Variants in TP53BP2 observed in about 807,000 individuals in gnomAD.
The protein encoded by TP53BP2 is tumor protein p53 binding protein 2.
Under a neutral mutation model 126.2 loss-of-function variants are expected in TP53BP2, and 62 were observed. That is an observed-to-expected ratio of 0.49 (90% confidence interval 0.40 to 0.61). The LOEUF (loss-of-function observed/expected upper bound fraction) is 0.61, where lower values mean the gene tolerates loss of function less well. Ranked by LOEUF, TP53BP2 falls within the 20% of genes least tolerant of loss-of-function variation. The pLI is 0.00. For missense variants in TP53BP2, 1,215 were observed against 1,402.8 expected (o/e 0.87, Z 2.14); for synonymous variants, 485 against 502.9 (o/e 0.96, Z 0.48).
rs946951699 is a variant in TP53BP2, at chr1:223,800,639, T to A, written c.1336+61A>T. ...AGAGAAAATGGACTCTCTAAAAGAATACACAGCACCTTTCAGATGACCAAA... is the reference window on the plus strand; with the variant it reads ...AGAGAAAATGGACTCTCTAAAAGAAAACACAGCACCTTTCAGATGACCAAA... On this transcript the variant is annotated intron_variant, in intron 10 of 17. Coordinates refer to ENST00000343537, the MANE Select transcript of TP53BP2 (RefSeq NM_001031685.3). 3 of 1,209,564 alleles carry A rather than the reference T, an allele frequency of 2.5e-6. No homozygotes were observed. In the Admixed American group the frequency reaches 7.3e-5, roughly 29 times the overall value. The allele number at this position is 1,209,564 out of a possible 1,614,324, so 74.9% of individuals were successfully genotyped here.
intron 1 of TP53BP2, chr1:223,834,765 T>C (rs890909417): frequency 1.1e-6 from 1 of 941,624 alleles, no homozygotes; most frequent in Non-Finnish European, 1.3e-6. Context: ...TTCATCCCCA[T>C]CCTTCCAGAA....
intron 12 of TP53BP2, among the ~76,000 whole-genome samples, chr1:223,797,439 A>G (rs1175166529): frequency 6.6e-6 from 1 of 151,064 alleles, no homozygotes. Context: ...TTTTTTTTAG[A>G]TGGAGTTTCA....
At chr1:223,815,805 A>C (rs538841639) in intron 2 of TP53BP2, among the ~76,000 whole-genome samples, 1 of 152,350 alleles carries the variant, frequency 6.6e-6, no homozygotes, top group African/African-American at 2.4e-5. Flanking sequence ...ATGTTTAGAT[A>C]CACAAATATG....
chr1:223,782,454 G>T (rs1661806273), intron 17 of TP53BP2, among the ~76,000 whole-genome samples: 1 of 152,184 alleles, frequency 6.6e-6, no homozygotes, highest in Admixed American at 6.5e-5. Flanking sequence ...GAGGGTGCTT[G>T]AAAGAGAACA....
At position 223,792,364 on chromosome 1, in the gene TP53BP2, A is replaced by C. The variant is rs1473299787; in HGVS notation, c.2996+25T>G. 2.2e-5 allele frequency: 35 copies of C among 1,583,940 alleles called. No homozygotes were observed. The Admixed American group carries it at 6.1e-4, about 28-fold the overall frequency. On this transcript the variant is annotated intron_variant, in intron 15 of 17. Transcript: ENST00000343537. Reference sequence around the variant, plus strand: ...AACCGATTCCCACAACTGAAGTTTGACTGGAGTTTAAAAGAAAATCTTACC... The same window carrying C: ...AACCGATTCCCACAACTGAAGTTTGCCTGGAGTTTAAAAGAAAATCTTACC...
At chr1:223,841,079 T>C (rs1308562708) in intron 1 of TP53BP2, among the ~76,000 whole-genome samples, 1 of 152,006 alleles carries the variant, frequency 6.6e-6, no homozygotes, top group African/African-American at 2.4e-5. Flanking sequence ...AGGGAAACCC[T>C]GTCTCTACTA....
intron 4 of TP53BP2, 90 bp from the exon 5 acceptor site, chr1:223,807,037 A>G: frequency 1.1e-6 from 1 of 889,490 alleles, no homozygotes; most frequent in Non-Finnish European, 1.8e-6. Flanking sequence ...TAAAAGCTTC[A>G]TATGAACCAA....
chr1:223,808,212 G>C (rs1662786853), intron 4 of TP53BP2, among the ~76,000 whole-genome samples: 1 of 152,172 alleles, frequency 6.6e-6, no homozygotes, highest in Non-Finnish European at 1.5e-5. Flanking sequence ...TATACAATTA[G>C]ATATTCATAT....
At chr1:223,789,860 A>G (rs1662089499) in intron 15 of TP53BP2, among the ~76,000 whole-genome samples, 1 of 152,200 alleles carries the variant, frequency 6.6e-6, no homozygotes, top group South Asian at 2.1e-4. Context: ...TGGTAAAGGT[A>G]CAAGAGCCAG....
intron 4 of TP53BP2, among the ~76,000 whole-genome samples, chr1:223,807,878 AC>A (rs1290448761): frequency 6.6e-6 from 1 of 152,222 alleles, no homozygotes. Context: ...AATTGATTCA[AC>A]AAAATCTCAA....
intron 1 of TP53BP2, among the ~76,000 whole-genome samples, chr1:223,822,782 CA>C (rs113194628): frequency 1.3e-3 from 180 of 143,608 alleles, no homozygotes; most frequent in African/African-American, 3.6e-3. Flanking sequence ...TATTAAATTA[CA>C]AAAAAAAAAA....
chr1:223,798,338 T>C lies in TP53BP2; in HGVS notation c.1825A>G (p.Thr609Ala), dbSNP rs748781981. The C allele has an allele frequency of 3.7e-5, 59 of 1,613,960 alleles. No individual in the cohort carries two copies. The highest frequency in any genetic ancestry group is 4.9e-5 in the Non-Finnish European group (58 of 1,180,022). ...GAATATATTGAACTTGCTGCCACGG[T>C]CTGGGGTTTTCTGAAGGGTGGAAGT... Reference protein sequence around the residue: ...TLLPPFRKPQTVAASSIYSMY... With the variant: ...TLLPPFRKPQAVAASSIYSMY... Residue 609 changes from threonine to alanine, a missense_variant, in exon 12 of 18, where the codon ACC (threonine) becomes GCC (alanine). Physicochemically the swap from Thr to Ala is moderately conservative, Grantham distance 58. Around this residue, in one of 4 missense-constraint regions of TP53BP2, gnomAD observed 814 missense variants for 853.0 expected, o/e 0.95. Coordinates refer to ENST00000343537, the MANE Select transcript of TP53BP2 (RefSeq NM_001031685.3).
In TP53BP2 at chr1:223,796,339, C is replaced by A. The variant is rs1225352755; in HGVS notation, c.2200G>T (p.Ala734Ser). ...CTACGTTTCTTTAGAGGCCTTGGTG[C>A]GTTAGACAGTTTCTTTCGTAAGGCT... ...LEALRKKLSN[A>S]PRPLKKRSSI... The change falls in exon 13 of 18, where the codon GCA becomes TCA. Residue 734 changes from alanine to serine, a missense_variant. Ala to Ser is a moderately conservative substitution (Grantham distance 99, BLOSUM62 1). Around this residue, in one of 4 missense-constraint regions of TP53BP2, gnomAD observed 46 missense variants for 93.0 expected, o/e 0.49. Transcript: ENST00000343537. This position sits in a 1 kb window ranked among gnomAD's most constrained non-coding sequence, Gnocchi z 4.2. The A allele has an allele frequency of 1.2e-6, 2 of 1,614,106 alleles. No homozygotes were observed. The highest frequency in any genetic ancestry group is 1.7e-6 in the Non-Finnish European group (2 of 1,180,036).
At chr1:223,844,125 A>G (rs974098599) in intron 1 of TP53BP2, among the ~76,000 whole-genome samples, 1 of 152,152 alleles carries the variant, frequency 6.6e-6, no homozygotes, top group Non-Finnish European at 1.5e-5. Context: ...GCAATACTGA[A>G]GTGTTAGTCT....
At position 223,831,466 on chromosome 1, in the gene TP53BP2, TAAAAA is replaced by T. The variant is rs1157082703; in HGVS notation, c.28-10104_28-10100del. Reference sequence around the variant, plus strand: ...CACATGCACACACATATGTACCATCTAAAAAAAAAAAAAAATATATATATATATAT... The same window carrying T: ...CACATGCACACACATATGTACCATCTAAAAAAAAAATATATATATATATAT... On this transcript the variant is annotated intron_variant, in intron 1 of 17. Transcript: ENST00000343537. 1.4e-3 allele frequency among the ~76,000 whole-genome samples: 62 copies of T among 43,676 alleles called. 1 individual carries two copies. The East Asian group carries it at 0.033, about 23-fold the overall frequency. 28.7% of individuals were successfully genotyped at this position (43,676 alleles called of 152,430 possible).
rs879854214 is a variant in TP53BP2 at position 223,845,844 on chromosome 1, G to A, written c.-164C>T. On this transcript the variant is annotated 5_prime_UTR_variant, in exon 1 of 18. Transcript: ENST00000343537. ...CGAAGGGCCCTCCGCGCGGGCTGGG[G>A]CACCAACAAGCCCCGGGCTCCCCCG... The A allele has an allele frequency of 1.0e-3, 486 of 472,922 alleles. No individual in the cohort carries two copies. The highest frequency in any genetic ancestry group is 1.4e-3 in the Non-Finnish European group (430 of 309,772). 29.3% of individuals were successfully genotyped at this position (472,922 alleles called of 1,614,324 possible).
At chr1:223,800,953 GTAT>G in intron 9 of TP53BP2, 143 bp from the exon 10 acceptor site, 3 of 550,082 alleles carry the variant, frequency 5.5e-6, no homozygotes, top group Non-Finnish European at 9.5e-6. Flanking sequence ...AGAAAATACT[GTAT>G]TATATTTTAT....
In TP53BP2 at chr1:223,802,661, A is replaced by G. The variant is rs570874676; in HGVS notation, c.996+70T>C. 12 of 1,549,502 alleles carry G rather than the reference A, an allele frequency of 7.7e-6. No homozygotes were observed. In the South Asian group the frequency reaches 1.1e-4, roughly 14 times the overall value. ...AGTAATGATTCTGAAGAAGATGCCT[A>G]TGAGTAACCTCACTGGGCTGGTCAT... On this transcript the variant is annotated intron_variant, in intron 8 of 17. Transcript: ENST00000343537.
At position 223,817,390 on chromosome 1, in the gene TP53BP2, G is replaced by A. The variant is rs1355032896; in HGVS notation, c.176-3037C>T. On this transcript the variant is annotated intron_variant, in intron 2 of 17. Coordinates refer to ENST00000343537, the MANE Select transcript of TP53BP2 (RefSeq NM_001031685.3). ...AGGAGGGGGAGGGAAAGGAGGAGGG[G>A]GAGGGAAAGAAAGAAGAAGAAAAAC... Among the ~76,000 whole-genome samples, 2 of 115,436 alleles carry A rather than the reference G, an allele frequency of 1.7e-5. 1 individual carries two copies. Among genetic ancestry groups the A allele is most frequent in the East Asian group, 5.6e-4 (2 of 3,540 alleles). 75.7% of individuals were successfully genotyped at this position (115,436 alleles called of 152,430 possible).
Sources: gnomAD v4.1 joint callset for allele counts (sites outside exome capture counted in the v4.1 genomes callset) on GRCh38, gnomAD v4.1.1 for gene constraint, gnomAD v4.1.1 regional missense constraint, Gnocchi (gnomAD v3.1) non-coding constraint, MANE v1.5 for transcripts, NCBI Gene and HGNC (gene_info 2026-07-23, HGNC 2026-07-21) for gene names.